The following PLXNA4 variants were observed in gnomAD, a reference collection of about 807,000 sequenced individuals.
The protein encoded by PLXNA4 is plexin-A4.
PLXNA4 carries 44 observed loss-of-function variants against 191.8 expected under a neutral mutation model. That is an observed-to-expected ratio of 0.23 (90% CI 0.18 to 0.29). PLXNA4 has a LOEUF of 0.29. PLXNA4 is among the 10% of genes least tolerant of loss of function. The pLI is 1.00. For synonymous variants in PLXNA4, 1,082 were observed against 1,009.5 expected, an observed-to-expected ratio of 1.07 and a Z score of -1.36; for missense variants, 1,800 against 2,488.8, an observed-to-expected ratio of 0.72 and a Z score of 5.89.
At chr7:132,390,063 C>T (rs1457740335) in intron 3 of PLXNA4, among the ~76,000 whole-genome samples, 1 of 152,212 alleles carries the variant, frequency 6.6e-6, no homozygotes, top group East Asian at 1.9e-4. Context: ...AATCCCATCA[C>T]TGGGTATATA....
chr7:132,209,363 G>C (rs7781259), intron 10 of PLXNA4, among the ~76,000 whole-genome samples: 1 of 152,230 alleles, frequency 6.6e-6, no homozygotes, highest in African/African-American at 2.4e-5. Flanking sequence ...GTGAGACCCA[G>C]ATGCAGGTCT....
At chr7:132,520,639 G>A (rs903410376) in intron 1 of PLXNA4, among the ~76,000 whole-genome samples, 45 of 152,176 alleles carry the variant, frequency 3.0e-4, no homozygotes, top group Non-Finnish European at 4.0e-4. Flanking sequence ...AAAACAGTCA[G>A]TGGGCCTAGA....
At chr7:132,493,118 C>G (rs1797871058) in intron 2 of PLXNA4, among the ~76,000 whole-genome samples, 1 of 152,116 alleles carries the variant, frequency 6.6e-6, no homozygotes, top group Non-Finnish European at 1.5e-5. Flanking sequence ...TTGGTGAAAG[C>G]CTTCAACAGG....
chr7:132,177,641 T>A (rs1050569353), intron 20 of PLXNA4, among the ~76,000 whole-genome samples: 7 of 151,288 alleles, frequency 4.6e-5, no homozygotes, highest in African/African-American at 9.7e-5. Flanking sequence ...AGAAGGAGGG[T>A]GTTGGCTTTT....
chr7:132,427,501 A>T (rs1015034461), intron 3 of PLXNA4, among the ~76,000 whole-genome samples: 1 of 152,176 alleles, frequency 6.6e-6, no homozygotes, highest in East Asian at 1.9e-4. Context: ...TCATAAACTC[A>T]TGGGTGACAA....
chr7:132,621,071 C>A (rs1351584011), intron 2 of PLXNA4, among the ~76,000 whole-genome samples: 2 of 151,986 alleles, frequency 1.3e-5, no homozygotes, highest in Non-Finnish European at 2.9e-5. Context: ...TCCCAAAGGC[C>A]CTACCAACAA....
rs1376939048 is a variant in PLXNA4, at chr7:132,168,810, A to G, written c.4018-238T>C. 4.6e-5 allele frequency among the ~76,000 whole-genome samples: 7 copies of G among 152,314 alleles called. No homozygotes were observed. In the East Asian group the frequency reaches 1.4e-3, roughly 29 times the overall value. ...AGAGAGAGCATCACATGGTTAGTAA[A>G]TGGCGGGGCTAGGATGGCACTCACT... On this transcript the variant is annotated intron_variant, in intron 21 of 31. Transcript: ENST00000321063.
At chr7:132,644,156 G>A (rs1439159053) in intron 2 of PLXNA4, among the ~76,000 whole-genome samples, 1 of 152,140 alleles carries the variant, frequency 6.6e-6, no homozygotes, top group Admixed American at 6.5e-5. Flanking sequence ...CCAGAGTTGA[G>A]CAAAGCTTAG....
At chr7:132,178,713 T>TACAC (rs56218462) in intron 20 of PLXNA4, among the ~76,000 whole-genome samples, 8,495 of 111,988 alleles carry the variant, frequency 0.076, 1,039 homozygotes, top group East Asian at 0.26. Context: ...CACATACACA[T>TACAC]ACACACACAC....
intron 4 of PLXNA4, among the ~76,000 whole-genome samples, chr7:132,281,640 G>A (rs1040877766): frequency 6.6e-6 from 1 of 152,082 alleles, no homozygotes; most frequent in East Asian, 1.9e-4. Flanking sequence ...AAATCCTTCT[G>A]AAAGTACTTA....
At chr7:132,535,802 C>T (rs1186706793) in intron 1 of PLXNA4, among the ~76,000 whole-genome samples, 1 of 152,034 alleles carries the variant, frequency 6.6e-6, no homozygotes, top group East Asian at 1.9e-4. Context: ...CCAATAGGAG[C>T]TAATTACAGA....
intron 14 of PLXNA4, among the ~76,000 whole-genome samples, chr7:132,188,668 A>C (rs550000755): frequency 6.6e-6 from 1 of 152,162 alleles, no homozygotes; most frequent in Non-Finnish European, 1.5e-5. Flanking sequence ...TATCCCTGTA[A>C]CATGGGCCAA....
chr7:132,467,113 A>G (rs533951003), intron 3 of PLXNA4, among the ~76,000 whole-genome samples: 1 of 152,306 alleles, frequency 6.6e-6, no homozygotes, highest in South Asian at 2.1e-4. Flanking sequence ...ATGGGGACTG[A>G]GAGTCCACAG....
At chr7:132,599,372 T>C (rs1802775067) in intron 2 of PLXNA4, among the ~76,000 whole-genome samples, 1 of 152,252 alleles carries the variant, frequency 6.6e-6, no homozygotes, top group Non-Finnish European at 1.5e-5. Flanking sequence ...GAGCATAGCA[T>C]GTGTCTCCAT....
intron 3 of PLXNA4, among the ~76,000 whole-genome samples, chr7:132,304,039 A>C (rs1335065998): frequency 7.9e-5 from 12 of 152,246 alleles, no homozygotes; most frequent in Admixed American, 7.8e-4. Context: ...AGGTAACGTC[A>C]GATTTACTCA....
In PLXNA4 at chr7:132,251,049, GC is replaced by G. The variant is rs1017034072; in HGVS notation, c.1504-9884del. On this transcript the variant is annotated intron_variant, in intron 4 of 31. Coordinates refer to ENST00000321063, the MANE Select transcript of PLXNA4 (RefSeq NM_020911.2). ...GGATCAAAGTGCTGCTCCTGTTCCA[GC>G]CTTTTTTTTTTTTTTTTTGACTCTG... Among the ~76,000 whole-genome samples the G allele has an allele frequency of 1.5e-3, 167 of 109,610 alleles. 5 individuals carry two copies. In the South Asian group the frequency reaches 0.059, roughly 39 times the overall value. 71.9% of individuals were successfully genotyped at this position (109,610 alleles called of 152,430 possible).
At chr7:132,521,737 C>T (rs971306674) in intron 1 of PLXNA4, among the ~76,000 whole-genome samples, 4 of 152,144 alleles carry the variant, frequency 2.6e-5, no homozygotes, top group Non-Finnish European at 4.4e-5. Context: ...GGTGAAGCAC[C>T]GGGGACTCCA....
chr7:132,365,732 T>C lies in PLXNA4; in HGVS notation c.1372-67510A>G, dbSNP rs60413835. On this transcript the variant is annotated intron_variant, in intron 3 of 31. Transcript: ENST00000321063. ...TAAATCTTTCCTCTGCCAAGTGCTC[T>C]TAGATAGAAACCCAGATCCCTGAGG... Among the ~76,000 whole-genome samples, 652 of 152,314 alleles carry C rather than the reference T, an allele frequency of 4.3e-3. 5 individuals carry two copies. The highest frequency in any genetic ancestry group is 0.015 in the African/African-American group (630 of 41,570).
chr7:132,343,628 A>G (rs1321370315), intron 3 of PLXNA4, among the ~76,000 whole-genome samples: 1 of 152,138 alleles, frequency 6.6e-6, no homozygotes, highest in Non-Finnish European at 1.5e-5. Context: ...CCCTTAGAAC[A>G]CTCAATGTGG....
Sources: allele counts gnomAD v4.1 joint callset (sites outside exome capture counted in the v4.1 genomes callset), GRCh38; gene constraint gnomAD v4.1.1; transcripts MANE v1.5; gene names NCBI Gene and HGNC (gene_info 2026-07-23, HGNC 2026-07-21).